SOX5: variants seen among roughly 807,000 people sequenced by gnomAD.
SOX5 encodes the protein transcription factor SOX-5.
SOX5 carries 9 observed loss-of-function variants against 92.0 expected under a neutral mutation model. The observed-to-expected ratio is 0.10, with a 90% CI of 0.06 to 0.17. The LOEUF (loss-of-function observed/expected upper bound fraction) is 0.17, where lower values mean the gene tolerates loss of function less well. SOX5 is among the 10% of genes least tolerant of loss of function. The pLI, the probability that SOX5 is intolerant of heterozygous loss-of-function variation, is 1.00. For synonymous variants in SOX5, 344 were observed against 336.3 expected, an observed-to-expected ratio of 1.02 and a Z score of -0.25; for missense variants, 642 against 944.5, an observed-to-expected ratio of 0.68 and a Z score of 4.20.
At chr12:23,944,992 A>C (rs927039780) in intron 1 of SOX5, among the ~76,000 whole-genome samples, 2 of 152,270 alleles carry the variant, frequency 1.3e-5, no homozygotes, top group African/African-American at 4.8e-5. Context: ...AAAACTCATC[A>C]GTTATACTTA....
At chr12:23,988,218 C>T (rs1163995477) in intron 4 of SOX5, among the ~76,000 whole-genome samples, 1 of 152,108 alleles carries the variant, frequency 6.6e-6, no homozygotes, top group Non-Finnish European at 1.5e-5. Context: ...ATGAAGAGTT[C>T]TATTTTGGCC....
intron 4 of SOX5, among the ~76,000 whole-genome samples, chr12:24,153,864 C>T (rs550047041): frequency 5.8e-4 from 88 of 152,106 alleles, no homozygotes; most frequent in Non-Finnish European, 1.1e-3. Context: ...CTTGAATACA[C>T]ACACACACAC....
At chr12:23,799,180 T>G (rs2095618624) in intron 3 of SOX5, among the ~76,000 whole-genome samples, 1 of 152,010 alleles carries the variant, frequency 6.6e-6, no homozygotes, top group Admixed American at 6.6e-5. Context: ...AGATAAAGGT[T>G]TAAAGAACAA....
At chr12:24,481,560 C>T (rs921837600) in intron 1 of SOX5, among the ~76,000 whole-genome samples, 2 of 151,706 alleles carry the variant, frequency 1.3e-5, no homozygotes, top group African/African-American at 2.4e-5. Flanking sequence ...ACTAGGTACC[C>T]GCAAAAATTA....
At chr12:23,653,250 C>T (rs2081912086) in intron 7 of SOX5, among the ~76,000 whole-genome samples, 1 of 152,100 alleles carries the variant, frequency 6.6e-6, no homozygotes. Flanking sequence ...GTTTATAGGT[C>T]CATGTCCACC....
intron 9 of SOX5, among the ~76,000 whole-genome samples, chr12:23,577,192 T>TATATATA (rs1555172432): frequency 0.018 from 1,022 of 57,910 alleles, 15 homozygotes; most frequent in East Asian, 0.059. Flanking sequence ...TATATATATA[T>TATATATA]TTTTTTTTTT....
At chr12:24,015,286 A>G (rs185251691) in intron 4 of SOX5, among the ~76,000 whole-genome samples, 1 of 152,230 alleles carries the variant, frequency 6.6e-6, no homozygotes. Context: ...TTTTCACAAA[A>G]AAGCCAGCCT....
intron 1 of SOX5, among the ~76,000 whole-genome samples, chr12:24,475,814 C>T (rs1027540214): frequency 2.0e-5 from 3 of 151,930 alleles, no homozygotes; most frequent in African/African-American, 7.3e-5. Context: ...AGACTCCATT[C>T]CTACAGAAAA....
At chr12:23,641,021 C>T (rs2079983404) in intron 7 of SOX5, 124 bp from the exon 8 acceptor site, 2 of 615,892 alleles carry the variant, frequency 3.2e-6, no homozygotes, top group African/African-American at 1.9e-5. Context: ...TAATGAAAAG[C>T]TCTATTGTGC....
At chr12:24,363,692 T>C (rs1955846407) in intron 2 of SOX5, among the ~76,000 whole-genome samples, 1 of 148,138 alleles carries the variant, frequency 6.8e-6, no homozygotes, top group Non-Finnish European at 1.5e-5. Context: ...CTGAGATTAA[T>C]GAGGATTTTT....
At chr12:24,397,362 G>A (rs1055469737) in intron 1 of SOX5, among the ~76,000 whole-genome samples, 3 of 151,972 alleles carry the variant, frequency 2.0e-5, no homozygotes, top group South Asian at 2.1e-4. Context: ...AGATCTTATC[G>A]CCTCAAGATC....
intron 6 of SOX5, among the ~76,000 whole-genome samples, chr12:23,687,092 T>C (rs1482930354): frequency 6.6e-6 from 1 of 152,114 alleles, no homozygotes; most frequent in Non-Finnish European, 1.5e-5. Flanking sequence ...GATTCAATGA[T>C]ACAGCACTAT....
chr12:24,466,806 T>G (rs549244081), intron 1 of SOX5, among the ~76,000 whole-genome samples: 6 of 152,180 alleles, frequency 3.9e-5, no homozygotes, highest in Non-Finnish European at 8.8e-5. Context: ...GAGAATGGAC[T>G]CCAAGAAATT....
At chr12:23,535,500 T>G (rs1940170538) in intron 14 of SOX5, among the ~76,000 whole-genome samples, 1 of 152,224 alleles carries the variant, frequency 6.6e-6, no homozygotes, top group Non-Finnish European at 1.5e-5. Context: ...TTGCATCTGG[T>G]CCTATAAATA....
intron 1 of SOX5, among the ~76,000 whole-genome samples, chr12:23,937,028 A>G (rs1269152432): frequency 6.6e-6 from 1 of 150,868 alleles, no homozygotes; most frequent in African/African-American, 2.4e-5. Flanking sequence ...TTCCTAAATC[A>G]CATACCTGTT....
In SOX5 at chr12:24,271,957, T is replaced by C. The variant is rs544331075; in HGVS notation, c.-77+5259A>G. 7.0e-5 allele frequency among the ~76,000 whole-genome samples: 9 copies of C among 129,012 alleles called. 1 individual carries two copies. The South Asian group carries it at 2.6e-3, about 38-fold the overall frequency. 84.6% of individuals were successfully genotyped at this position (129,012 alleles called of 152,430 possible). ...TTGCCTTTCACATTTTAGAATTAAC[T>C]TGTGACATTTCACACACACACACAA... is the stretch of plus-strand genomic sequence containing the variant. On this transcript the variant is annotated intron_variant, in intron 3 of 4. Transcript: ENST00000446891.
chr12:24,488,364 G>T (rs2137920557), intron 1 of SOX5, among the ~76,000 whole-genome samples: 1 of 152,252 alleles, frequency 6.6e-6, no homozygotes, highest in Admixed American at 6.5e-5. Context: ...CAAGGCAGGA[G>T]GATTGCTTGA....
At chr12:24,197,375 G>A (rs561714086) in intron 4 of SOX5, among the ~76,000 whole-genome samples, 27 of 152,196 alleles carry the variant, frequency 1.8e-4, no homozygotes, top group African/African-American at 6.5e-4. Context: ...CTAGACAAAG[G>A]AAAATTTATG....
At chr12:24,228,968 C>T (rs2728842) in intron 3 of SOX5, among the ~76,000 whole-genome samples, 21,364 of 152,158 alleles carry the variant, frequency 0.14, 1,735 homozygotes, top group Admixed American at 0.21. Context: ...TTAGTTTATT[C>T]ACAACAAAGT....
Sources: gnomAD v4.1 joint callset for allele counts (sites outside exome capture counted in the v4.1 genomes callset) on GRCh38, gnomAD v4.1.1 for gene constraint, MANE v1.5 for transcripts, NCBI Gene and HGNC (gene_info 2026-07-23, HGNC 2026-07-21) for gene names.